Variants in SNTG1 observed in about 807,000 individuals in gnomAD.
SNTG1 encodes syntrophin gamma 1.
Under a neutral mutation model 74.7 loss-of-function variants are expected in SNTG1, and 39 were observed. That is an observed-to-expected ratio of 0.52 (90% CI 0.40 to 0.68). The LOEUF is 0.68. Ranked by LOEUF, SNTG1 falls within the 30% of genes least tolerant of loss-of-function variation. The probability of loss-of-function intolerance (pLI) is 0.00; values close to 1 mark genes in which losing one functional copy is unlikely to be tolerated. For missense variants in SNTG1, 685 were observed against 609.5 expected (o/e 1.12, Z -1.30); for synonymous variants, 254 against 217.1 (o/e 1.17, Z -1.49).
At chr8:50,071,140 C>T (rs1430349460) in intron 1 of SNTG1, among the ~76,000 whole-genome samples, 1 of 152,090 alleles carries the variant, frequency 6.6e-6, no homozygotes, top group African/African-American at 2.4e-5. Flanking sequence ...GATCCCAACT[C>T]CTAAGGGAAG....
rs577232363 is a variant in SNTG1 at position 50,308,839 on chromosome 8, T to C, written c.-27-85373T>C. ...TAGACATTTTTGTTCTTGCTAACTT[T>C]CTGCCCTCGTTTTCCTGGCAAATGA... On this transcript the variant is annotated intron_variant, in intron 2 of 18. Coordinates refer to ENST00000642720, the MANE Select transcript of SNTG1 (RefSeq NM_018967.5). 1.2e-3 allele frequency among the ~76,000 whole-genome samples: 183 copies of C among 152,324 alleles called. 1 individual carries two copies. Among genetic ancestry groups the C allele is most frequent in the Non-Finnish European group, 2.3e-3 (159 of 68,028 alleles).
At chr8:50,024,042 C>T (rs1817050919) in intron 1 of SNTG1, among the ~76,000 whole-genome samples, 1 of 152,068 alleles carries the variant, frequency 6.6e-6, no homozygotes, top group East Asian at 1.9e-4. Flanking sequence ...TTCAGTAGCT[C>T]CAGGATGGGA....
intron 5 of SNTG1, among the ~76,000 whole-genome samples, chr8:50,448,552 T>C (rs2093426698): frequency 6.6e-6 from 1 of 152,202 alleles, no homozygotes; most frequent in Non-Finnish European, 1.5e-5. Context: ...CTATGCTTCT[T>C]TTTATATATG....
chr8:50,531,311 T>C (rs890419691), intron 10 of SNTG1, among the ~76,000 whole-genome samples: 5 of 151,456 alleles, frequency 3.3e-5, no homozygotes, highest in African/African-American at 1.2e-4. Context: ...ATATATTTCA[T>C]GTGGCCATCT....
At chr8:50,624,116 C>A (rs1368046408) in intron 13 of SNTG1, among the ~76,000 whole-genome samples, 1 of 151,930 alleles carries the variant, frequency 6.6e-6, no homozygotes, top group East Asian at 1.9e-4. Flanking sequence ...CAGTGGAATT[C>A]TTGAGCCAGA....
chr8:50,189,493 G>A (rs1227611982), intron 2 of SNTG1, among the ~76,000 whole-genome samples: 1 of 152,136 alleles, frequency 6.6e-6, no homozygotes, highest in Non-Finnish European at 1.5e-5. Context: ...CCACTAGATG[G>A]AGAAAGAAGT....
chr8:50,303,662 T>C (rs2089751603), intron 2 of SNTG1, among the ~76,000 whole-genome samples: 1 of 151,996 alleles, frequency 6.6e-6, no homozygotes, highest in Non-Finnish European at 1.5e-5. Flanking sequence ...TGCAAAAGTC[T>C]TTTTGGTCTT....
chr8:49,973,922 C>T (rs1418246664), intron 1 of SNTG1, among the ~76,000 whole-genome samples: 1 of 152,126 alleles, frequency 6.6e-6, no homozygotes, highest in Non-Finnish European at 1.5e-5. Context: ...ATAGAAGATT[C>T]TTGATGCTAA....
intron 2 of SNTG1, among the ~76,000 whole-genome samples, chr8:50,297,648 G>A (rs2089448946): frequency 6.6e-6 from 1 of 152,136 alleles, no homozygotes; most frequent in Admixed American, 6.6e-5. Flanking sequence ...GAGAAAAGGA[G>A]TGTTCACATC....
At chr8:50,359,797 AT>A (rs1242335499) in intron 2 of SNTG1, among the ~76,000 whole-genome samples, 2 of 152,112 alleles carry the variant, frequency 1.3e-5, no homozygotes, top group African/African-American at 2.4e-5. Context: ...ATTTCAAAGT[AT>A]TTTTCTGGTT....
At chr8:50,256,614 A>T (rs2086894779) in intron 2 of SNTG1, among the ~76,000 whole-genome samples, 2 of 152,058 alleles carry the variant, frequency 1.3e-5, no homozygotes, top group Non-Finnish European at 2.9e-5. Context: ...TGGAAAAAAA[A>T]TTATATTTAA....
At chr8:49,958,710 C>T (rs976490165) in intron 1 of SNTG1, among the ~76,000 whole-genome samples, 8 of 152,206 alleles carry the variant, frequency 5.3e-5, no homozygotes, top group South Asian at 2.1e-4. Context: ...TGAGCCACTA[C>T]GCCCAGCCAA....
At chr8:50,792,162 G>A (rs1197395163) in intron 18 of SNTG1, among the ~76,000 whole-genome samples, 1 of 150,156 alleles carries the variant, frequency 6.7e-6, no homozygotes, top group Admixed American at 6.7e-5. Context: ...ATTATTTTTT[G>A]AAAGTGAACC....
intron 2 of SNTG1, among the ~76,000 whole-genome samples, chr8:50,339,620 CTAAAG>C (rs2091259509): frequency 6.6e-6 from 1 of 151,244 alleles, no homozygotes; most frequent in African/African-American, 2.4e-5. Flanking sequence ...AGGGAAATCA[CTAAAG>C]TAAATTGAAA....
intron 1 of SNTG1, among the ~76,000 whole-genome samples, chr8:50,086,238 T>C (rs1364784946): frequency 6.6e-6 from 1 of 152,200 alleles, no homozygotes; most frequent in Non-Finnish European, 1.5e-5. Flanking sequence ...ATTCCCTACA[T>C]GACTGTTAGG....
chr8:50,337,767 C>T (rs549179831), intron 2 of SNTG1, among the ~76,000 whole-genome samples: 7 of 152,300 alleles, frequency 4.6e-5, no homozygotes, highest in Non-Finnish European at 7.4e-5. Flanking sequence ...CACATTTTAT[C>T]CCACATCAAC....
chr8:50,425,095 G>A (rs1302731314), intron 4 of SNTG1, among the ~76,000 whole-genome samples: 2 of 152,146 alleles, frequency 1.3e-5, no homozygotes, highest in African/African-American at 2.4e-5. Context: ...TTAGAAATAT[G>A]GAATGAGTCA....
intron 1 of SNTG1, among the ~76,000 whole-genome samples, chr8:50,000,395 A>AT (rs1459525922): frequency 6.6e-6 from 1 of 151,912 alleles, no homozygotes; most frequent in African/African-American, 2.4e-5. Flanking sequence ...GCCTGTGTGT[A>AT]TTTTGCAAAC....
At chr8:50,115,575 A>AAAAAAAAAAACAAAAAAAAAAC (rs1422021656) in intron 1 of SNTG1, among the ~76,000 whole-genome samples, 1 of 144,776 alleles carries the variant, frequency 6.9e-6, no homozygotes, top group Non-Finnish European at 1.5e-5. Flanking sequence ...CTCAAAAAAA[A>AAAAAAAAAAACAAAAAAAAAAC]AAAAAAAAAA....
Sources: allele counts gnomAD v4.1 joint callset (sites outside exome capture counted in the v4.1 genomes callset), GRCh38; gene constraint gnomAD v4.1.1; transcripts MANE v1.5; gene names NCBI Gene and HGNC (gene_info 2026-07-23, HGNC 2026-07-21).